Variants in KLHDC1 observed in about 807,000 individuals in gnomAD.
KLHDC1 encodes kelch domain containing 1, also known as kelch domain-containing protein 1.
In KLHDC1, 53 loss-of-function variants were observed where a neutral mutation model predicts 68.3. That is an observed-to-expected ratio of 0.78 (90% CI 0.62 to 0.98). The LOEUF (loss-of-function observed/expected upper bound fraction) is 0.98. Ranked by LOEUF, KLHDC1 falls within the 50% of genes least tolerant of loss-of-function variation. KLHDC1 has a pLI of 0.00. For synonymous variants in KLHDC1, 148 were observed against 159.0 expected, an observed-to-expected ratio of 0.93 and a Z score of 0.52; for missense variants, 470 against 492.3, an observed-to-expected ratio of 0.95 and a Z score of 0.43.
Position 49,719,504 on chromosome 14 carries a change from C to G in KLHDC1, c.405-4370C>G, listed in dbSNP as rs527725479. Among the ~76,000 whole-genome samples, 6 of 151,982 alleles carry G rather than the reference C, an allele frequency of 3.9e-5. No homozygotes were observed. In the East Asian group the frequency reaches 1.2e-3, roughly 29 times the overall value. On this transcript the variant is annotated intron_variant, in intron 4 of 12. Coordinates refer to ENST00000359332, the MANE Select transcript of KLHDC1 (RefSeq NM_172193.3). ...AGTGCAGTGATGCGATCTGAGCTCA[C>G]CACAACCTCTTCCTCCCGGGTTCAA...
At chr14:49,718,275 TTTG>T (rs1362850035) in intron 4 of KLHDC1, among the ~76,000 whole-genome samples, 3 of 152,032 alleles carry the variant, frequency 2.0e-5, no homozygotes, top group Admixed American at 2.0e-4. Flanking sequence ...TTCTGGTGGT[TTTG>T]TTGTTGTTGT....
In KLHDC1 at chr14:49,712,416, G is replaced by A. The variant is rs144645540; in HGVS notation, c.404+2035G>A. ...TACACCTTCTATTTTCTGTAAATTG[G>A]TAGTTAGATCTAGAAAGTTAAGCAA... is the stretch of plus-strand genomic sequence containing the variant. On this transcript the variant is annotated intron_variant, in intron 4 of 12. Coordinates refer to ENST00000359332, the MANE Select transcript of KLHDC1 (RefSeq NM_172193.3). Among the ~76,000 whole-genome samples, 673 of 152,030 alleles carry A rather than the reference G, an allele frequency of 4.4e-3. 7 individuals carry two copies. The highest frequency in any genetic ancestry group is 0.015 in the African/African-American group (638 of 41,458).
intron 4 of KLHDC1, among the ~76,000 whole-genome samples, chr14:49,722,169 GCA>G (rs1888543647): frequency 6.6e-6 from 1 of 152,174 alleles, no homozygotes; most frequent in South Asian, 2.1e-4. Flanking sequence ...GGGTACGTGT[GCA>G]CAACGTGCAG....
At chr14:49,702,188 GATAAC>G (rs1385180588) in intron 1 of KLHDC1, among the ~76,000 whole-genome samples, 2 of 138,550 alleles carry the variant, frequency 1.4e-5, no homozygotes, top group Non-Finnish European at 3.2e-5. Context: ...AAAAAAAAAA[GATAAC>G]ATCCCCATTG....
chr14:49,713,813 TATATATATATATATATATATA>T (rs1888276290), intron 4 of KLHDC1, among the ~76,000 whole-genome samples: 6 of 1,334 alleles, frequency 4.5e-3, no homozygotes, highest in Non-Finnish European at 0.021. Context: ...TATATATATA[TATATATATATATATATATATA>T]TATATATATA....
chr14:49,730,720 C>G (rs1484121756), intron 8 of KLHDC1, among the ~76,000 whole-genome samples: 2 of 152,110 alleles, frequency 1.3e-5, no homozygotes, highest in Non-Finnish European at 2.9e-5. Context: ...CACCTGTAAT[C>G]CCAGCACTTT....
At chr14:49,713,836 A>AT (rs1566602966) in intron 4 of KLHDC1, among the ~76,000 whole-genome samples, 1 of 3,132 alleles carries the variant, frequency 3.2e-4, no homozygotes, top group African/African-American at 7.5e-4. Flanking sequence ...ATATATATAT[A>AT]TATATATATA....
At chr14:49,719,721 G>A (rs1034506808) in intron 4 of KLHDC1, among the ~76,000 whole-genome samples, 3 of 151,920 alleles carry the variant, frequency 2.0e-5, no homozygotes, top group East Asian at 1.9e-4. Flanking sequence ...GTGAGCCAGC[G>A]TGCCCAGCCT....
At chr14:49,709,431 T>A (rs1888141160) in intron 2 of KLHDC1, among the ~76,000 whole-genome samples, 1 of 152,198 alleles carries the variant, frequency 6.6e-6, no homozygotes, top group South Asian at 2.1e-4. Flanking sequence ...TTTTAGTATT[T>A]CTCTCAAGAC....
rs757209493 is a variant in KLHDC1, at chr14:49,725,769, AG to A, written c.567+1del. The A allele has an allele frequency of 6.7e-7, 1 of 1,501,504 alleles. No homozygotes were observed. The highest frequency in any genetic ancestry group is 9.1e-7 in the Non-Finnish European group (1 of 1,093,414). 93.0% of individuals were successfully genotyped at this position (1,501,504 alleles called of 1,614,324 possible). A position where few individuals can be genotyped will look rare whatever the true frequency, so the allele number is the denominator to read the frequency against. ...AGACTTGGTTTCAACCAGAAATTAA[AG>A]TAAGTGTGGTAAAAAGTCATCTTTA... On this transcript the variant is annotated splice_donor_variant, in intron 6 of 12. Coordinates refer to ENST00000359332, the MANE Select transcript of KLHDC1 (RefSeq NM_172193.3). LOFTEE classifies it high-confidence loss of function.
rs145677300 is a variant in KLHDC1 at position 49,697,277 on chromosome 14, T to C, written c.96+3987T>C. On this transcript the variant is annotated intron_variant, in intron 1 of 12. Transcript: ENST00000359332. ...TGTTGTATCTGAGGGAATAAGGAGG[T>C]CCAAGGAGAGGGAGAGAGAGGGGGG... is the stretch of plus-strand genomic sequence containing the variant. Among the ~76,000 whole-genome samples the C allele has an allele frequency of 6.3e-3, 954 of 151,848 alleles. 13 individuals carry two copies. Among genetic ancestry groups the C allele is most frequent in the African/African-American group, 0.022 (916 of 41,388 alleles).
At position 49,710,326 on chromosome 14, in the gene KLHDC1, G is replaced by A; in HGVS notation, c.349G>A (p.Glu117Lys). 1.9e-6 allele frequency: 3 copies of A among 1,612,702 alleles called. No individual in the cohort carries two copies. Among genetic ancestry groups the A allele is most frequent in the Non-Finnish European group, 2.5e-6 (3 of 1,178,946 alleles). ...TYIWEKITDF[E>K]GQPPTPRDKL... ...CATTTGGGAGAAAATCACCGACTTTGAAGGGCAACCACCTACACCACGTGA... is the reference window on the plus strand; with the variant it reads ...CATTTGGGAGAAAATCACCGACTTTAAAGGGCAACCACCTACACCACGTGA... The change falls in exon 4 of 13, where the codon GAA becomes AAA. Residue 117 changes from glutamate to lysine, a missense_variant. Physicochemically the swap from Glu to Lys is moderately conservative, Grantham distance 56. Coordinates refer to ENST00000359332, the MANE Select transcript of KLHDC1 (RefSeq NM_172193.3).
chr14:49,729,363 A>G, intron 7 of KLHDC1, 127 bp from the exon 8 acceptor site: 1 of 680,302 alleles, frequency 1.5e-6, no homozygotes, highest in Non-Finnish European at 2.6e-6. Flanking sequence ...TTGTTTTCCA[A>G]TAGTTAAACA....
chr14:49,751,462 AT>A (rs1953152313), intron 12 of KLHDC1, 123 bp from the exon 13 acceptor site: 1 of 474,024 alleles, frequency 2.1e-6, no homozygotes, highest in African/African-American at 2.0e-5. Context: ...AAAATTAAAA[AT>A]TAAAAAAAGA....
At position 49,704,267 on chromosome 14, in the gene KLHDC1, A is replaced by G. The variant is rs551310400; in HGVS notation, c.97-4892A>G. Among the ~76,000 whole-genome samples the G allele has an allele frequency of 2.2e-4, 33 of 148,936 alleles. No homozygotes were observed. In the South Asian group the frequency reaches 7.0e-3, roughly 32 times the overall value. ...AAATGCTGGCTCATGTCTTTTGCTC[A>G]TTTTTCTGTTGGATTATTTGCTTTT... On this transcript the variant is annotated intron_variant, in intron 1 of 12. Coordinates refer to ENST00000359332, the MANE Select transcript of KLHDC1 (RefSeq NM_172193.3).
rs141623750 is a variant in KLHDC1 at position 49,727,943 on chromosome 14, A to G, written c.568-983A>G. On this transcript the variant is annotated intron_variant, in intron 6 of 12. Transcript: ENST00000359332. The stretch of plus-strand genomic sequence containing the variant: ...AAATACATACATAAAGGCACCCACC[A>G]TGAAAATATGGAAATTATGCAGAAG... Among the ~76,000 whole-genome samples, 841 of 152,310 alleles carry G rather than the reference A, an allele frequency of 5.5e-3. 7 individuals carry two copies. Among genetic ancestry groups the G allele is most frequent in the African/African-American group, 0.019 (800 of 41,570 alleles).
intron 10 of KLHDC1, among the ~76,000 whole-genome samples, chr14:49,735,304 C>G (rs1460106329): frequency 6.6e-6 from 1 of 151,796 alleles, no homozygotes; most frequent in Non-Finnish European, 1.5e-5. Flanking sequence ...ATAGGAAATT[C>G]AGATTCAGCA....
intron 1 of KLHDC1, among the ~76,000 whole-genome samples, chr14:49,704,323 A>C (rs1231651289): frequency 6.6e-6 from 1 of 151,828 alleles, no homozygotes; most frequent in African/African-American, 2.4e-5. Context: ...TTTAAAATAC[A>C]AAATTGTGTG....
chr14:49,743,691 C>G, intron 11 of KLHDC1, 62 bp from the exon 12 acceptor site: 1 of 937,708 alleles, frequency 1.1e-6, no homozygotes, highest in South Asian at 1.5e-5. Flanking sequence ...AAGAAACATT[C>G]AATTATTAAC....
Sources: gnomAD v4.1 joint callset for allele counts (sites outside exome capture counted in the v4.1 genomes callset) on GRCh38, gnomAD v4.1.1 for gene constraint, MANE v1.5 for transcripts, NCBI Gene and HGNC (gene_info 2026-07-23, HGNC 2026-07-21) for gene names.